LRP5: variants seen among roughly 807,000 people sequenced by gnomAD.
The protein encoded by LRP5 is LDL receptor related protein 5, also known as low-density lipoprotein receptor-related protein 5.
A neutral mutation model predicts 154.1 loss-of-function variants in LRP5; 62 were observed. The observed-to-expected ratio is 0.40, with a 90% CI of 0.33 to 0.50. The LOEUF (loss-of-function observed/expected upper bound fraction) is 0.50, where lower values mean the gene tolerates loss of function less well. Ranked by LOEUF, LRP5 falls within the 20% of genes least tolerant of loss-of-function variation. The pLI is 0.55. For synonymous variants in LRP5, 966 were observed against 1,011.5 expected, an observed-to-expected ratio of 0.96 and a Z score of 0.85; for missense variants, 1,915 against 2,336.7, an observed-to-expected ratio of 0.82 and a Z score of 3.72.
At chr11:68,339,592 C>T (rs149319389) in intron 1 of LRP5, among the ~76,000 whole-genome samples, 8,571 of 152,044 alleles carry the variant, frequency 0.056, 809 homozygotes, top group African/African-American at 0.19. Flanking sequence ...GTGATCCGCC[C>T]GCCTCAGCCT....
At chr11:68,402,754 A>C (rs1028910177) in intron 7 of LRP5, among the ~76,000 whole-genome samples, 2 of 151,434 alleles carry the variant, frequency 1.3e-5, no homozygotes, top group African/African-American at 4.9e-5. Context: ...TGATCCCAGG[A>C]CTCCTTCCTG....
At chr11:68,308,124 C>T (rs1409593320), upstream of LRP5, among the ~76,000 whole-genome samples, 4 of 152,230 alleles carry the variant, frequency 2.6e-5, no homozygotes, top group Admixed American at 1.3e-4. Context: ...GAGAGGCCTG[C>T]GGCAGCCTGA....
chr11:68,362,211 G>T (rs312792), intron 3 of LRP5, among the ~76,000 whole-genome samples: 71,003 of 151,980 alleles, frequency 0.47, 18,651 homozygotes, highest in African/African-American at 0.69. Context: ...ATGAGATGTT[G>T]AGAATGTGTG....
chr11:68,325,364 T>C (rs2098599050), intron 1 of LRP5, among the ~76,000 whole-genome samples: 1 of 152,094 alleles, frequency 6.6e-6, no homozygotes, highest in Admixed American at 6.5e-5. Context: ...AGGGATGCAC[T>C]CAGTCGAAGT....
chr11:68,445,006 C>T (rs1041144538), intron 21 of LRP5, among the ~76,000 whole-genome samples: 1 of 152,172 alleles, frequency 6.6e-6, no homozygotes, highest in Non-Finnish European at 1.5e-5. Flanking sequence ...AGGGCCTGGC[C>T]ACTCCCCAGA....
chr11:68,428,419 C>T (rs1003784484), intron 16 of LRP5, among the ~76,000 whole-genome samples: 6 of 152,232 alleles, frequency 3.9e-5, no homozygotes, highest in Middle Eastern at 3.4e-3. Flanking sequence ...CAGAAGCCTG[C>T]GACCAAACTG....
rs766775008 is a variant in LRP5 at position 68,414,044 on chromosome 11, C to A, written c.2827+32C>A. ...GCCTCATGGTCCCCCGCACCTCACT[C>A]CCTCGTTAGATCAGGCTGGTTCTGG... On this transcript the variant is annotated intron_variant, in intron 12 of 22. Transcript: ENST00000294304. The A allele has an allele frequency of 1.9e-6, 3 of 1,583,606 alleles. No individual in the cohort carries two copies. The African/African-American group carries it at 4.0e-5, about 21-fold the overall frequency.
At chr11:68,434,922 G>A (rs1273317303) in intron 18 of LRP5, among the ~76,000 whole-genome samples, 1 of 152,262 alleles carries the variant, frequency 6.6e-6, no homozygotes, top group Non-Finnish European at 1.5e-5. Flanking sequence ...AAGGCATAGT[G>A]GTTAAGTCCT....
intron 5 of LRP5, among the ~76,000 whole-genome samples, chr11:68,366,597 G>A (rs1383907266): frequency 2.0e-5 from 3 of 152,130 alleles, no homozygotes; most frequent in Admixed American, 1.3e-4. Flanking sequence ...TCCCTGGCAG[G>A]GGTCCTGCGT....
intron 16 of LRP5, among the ~76,000 whole-genome samples, chr11:68,428,056 G>A (rs1022224919): frequency 1.3e-4 from 20 of 151,022 alleles, no homozygotes; most frequent in Non-Finnish European, 1.9e-4. Flanking sequence ...GCAGTGGCGC[G>A]ATCTCGGTTC....
chr11:68,389,443 C>CACTGATATCT (rs1399841233), intron 6 of LRP5, among the ~76,000 whole-genome samples: 2 of 152,240 alleles, frequency 1.3e-5, no homozygotes, highest in African/African-American at 4.8e-5. Flanking sequence ...CATTTACTGA[C>CACTGATATCT]ACTGATATCT....
Position 68,447,065 on chromosome 11 carries a change from A to G in LRP5, c.4586+532A>G. ...GAAGCCAACGGGGCTGCTCAGCTGG[A>G]CACCAGCCCCCCGAGCTGCCCATGT... is the stretch of plus-strand genomic sequence containing the variant. On this transcript the variant is annotated intron_variant, in intron 22 of 22. Transcript: ENST00000294304. This position sits in a 1 kb window ranked among gnomAD's most constrained non-coding sequence, Gnocchi z 4.3. 5.6e-6 allele frequency: 1 copy of G among 178,210 alleles called. No homozygotes were observed. The highest frequency in any genetic ancestry group is 1.2e-5 in the Non-Finnish European group (1 of 82,842). 11.0% of individuals were successfully genotyped at this position (178,210 alleles called of 1,614,324 possible). A position where few individuals can be genotyped will look rare whatever the true frequency, so the allele number is the denominator to read the frequency against.
intron 10 of LRP5, among the ~76,000 whole-genome samples, chr11:68,410,899 C>T (rs191742613): frequency 3.9e-4 from 60 of 152,260 alleles, no homozygotes; most frequent in African/African-American, 1.4e-3. Context: ...AGAAAGAGGT[C>T]CAGGTTTTAG....
chr11:68,383,900 C>T (rs1288369954), intron 5 of LRP5, among the ~76,000 whole-genome samples: 1 of 152,134 alleles, frequency 6.6e-6, no homozygotes, highest in African/African-American at 2.4e-5. Context: ...GGGAGTGGAG[C>T]CTAGAGGGAG....
Position 68,321,553 on chromosome 11 carries a change from G to A in LRP5, c.91+8748G>A, listed in dbSNP as rs139048125. Among the ~76,000 whole-genome samples the A allele has an allele frequency of 1.8e-4, 27 of 152,116 alleles. No homozygotes were observed. The East Asian group carries it at 2.1e-3, about 12-fold the overall frequency. ...TTCATCTGCTGGGTGCAGTGGAGCC[G>A]GCCTTGACATTTGTGGGTTTTGCTG... is the stretch of plus-strand genomic sequence containing the variant. On this transcript the variant is annotated intron_variant, in intron 1 of 22. Coordinates refer to ENST00000294304, the MANE Select transcript of LRP5 (RefSeq NM_002335.4).
chr11:68,388,533 C>T (rs1043079989), intron 6 of LRP5, among the ~76,000 whole-genome samples: 4 of 151,936 alleles, frequency 2.6e-5, no homozygotes, highest in African/African-American at 9.7e-5. Context: ...TGACTTGGGG[C>T]CTCAGAACCT....
chr11:68,392,664 CCT>C (rs2098646996), intron 7 of LRP5, among the ~76,000 whole-genome samples: 1 of 152,140 alleles, frequency 6.6e-6, no homozygotes, highest in East Asian at 1.9e-4. Flanking sequence ...CCCATTCTCC[CCT>C]CTCTCCCAGC....
At chr11:68,422,962 G>T (rs2098666679) in intron 13 of LRP5, among the ~76,000 whole-genome samples, 1 of 152,060 alleles carries the variant, frequency 6.6e-6, no homozygotes, top group African/African-American at 2.4e-5. Flanking sequence ...GTAAGGGGCG[G>T]CCCCCAAACT....
At chr11:68,313,040 A>T in intron 1 of LRP5, among the ~76,000 whole-genome samples, 1 of 144,846 alleles carries the variant, frequency 6.9e-6, no homozygotes, top group Non-Finnish European at 1.5e-5. Context: ...GCTGGCGAGG[A>T]GGGCGCCCGC....
Sources: gnomAD v4.1 joint callset for allele counts (sites outside exome capture counted in the v4.1 genomes callset) on GRCh38, gnomAD v4.1.1 for gene constraint, Gnocchi (gnomAD v3.1) non-coding constraint, MANE v1.5 for transcripts, NCBI Gene and HGNC (gene_info 2026-07-23, HGNC 2026-07-21) for gene names.